The following PALM variants were observed in gnomAD, a reference collection of about 807,000 sequenced individuals.
PALM encodes paralemmin, also known as paralemmin-1.
Under a neutral mutation model 30.7 loss-of-function variants are expected in PALM, and 18 were observed. The ratio of observed to expected loss-of-function variants is 0.59; its 90% CI spans 0.41 to 0.87. The LOEUF (loss-of-function observed/expected upper bound fraction) is 0.87, where lower values mean the gene tolerates loss of function less well. PALM is among the 40% of genes least tolerant of loss of function. The pLI, the probability that PALM is intolerant of heterozygous loss-of-function variation, is 0.00. For missense variants in PALM, 529 were observed against 555.4 expected, an observed-to-expected ratio of 0.95 and a Z score of 0.48; for synonymous variants, 286 against 242.8, an observed-to-expected ratio of 1.18 and a Z score of -1.66.
rs768648371 is a variant in PALM, at chr19:727,061, C to T, written c.111C>T (p.Asp37=). 2.4e-5 allele frequency: 37 copies of T among 1,545,066 alleles called. No homozygotes were observed. The highest frequency in any genetic ancestry group is 2.1e-4 in the African/African-American group (15 of 72,666). ...EIENKRRQLE[D]ERRQLQHLKS... Reference sequence around the variant, plus strand: ...AGAACAAGCGCCGGCAGCTGGAGGACGAGCGGAGGCAGCTGCAGCACCTGA... The same window carrying T: ...AGAACAAGCGCCGGCAGCTGGAGGATGAGCGGAGGCAGCTGCAGCACCTGA... Residue 37 remains aspartate, a synonymous_variant, in exon 3 of 9, where the codon GAC becomes GAT. Transcript: ENST00000338448.
At chr19:734,798 C>A (rs1418209512) in intron 6 of PALM, 1 of 158,144 alleles carries the variant, frequency 6.3e-6, no homozygotes, top group East Asian at 1.9e-4. Flanking sequence ...CACCACTGCA[C>A]CCCAGCCTGG....
intron 7 of PALM, 47 bp downstream of exon 7, chr19:736,125 G>A: frequency 2.8e-6 from 4 of 1,454,482 alleles, no homozygotes; most frequent in Non-Finnish European, 2.9e-6. Context: ...CCGCTGTCAG[G>A]GACCAAGTCT....
intron 1 of PALM, among the ~76,000 whole-genome samples, chr19:717,452 T>A (rs1217025433): frequency 6.6e-6 from 1 of 152,090 alleles, no homozygotes; most frequent in Non-Finnish European, 1.5e-5. Flanking sequence ...GTCCTCAAGG[T>A]GCATCCGCGC....
chr19:738,317 G>A (rs2033083273), intron 7 of PALM, among the ~76,000 whole-genome samples: 1 of 152,142 alleles, frequency 6.6e-6, no homozygotes, highest in Non-Finnish European at 1.5e-5. Flanking sequence ...ATGAGGTCAG[G>A]AGATCGAGAC....
At chr19:710,411 A>C (rs909155212) in intron 1 of PALM, among the ~76,000 whole-genome samples, 250 of 150,414 alleles carry the variant, frequency 1.7e-3, no homozygotes, top group African/African-American at 6.0e-3. Flanking sequence ...CCTGCTCCAC[A>C]CCCCCACCCC....
chr19:727,226 G>GCCCTGACCCTGACCCCA (rs2032704102), intron 3 of PALM, 138 bp downstream of exon 3: 12 of 495,050 alleles, frequency 2.4e-5, no homozygotes, highest in African/African-American at 9.3e-5. Flanking sequence ...CCCTGACCCC[G>GCCCTGACCCTGACCCCA]ACCCTGACCC....
intron 1 of PALM, among the ~76,000 whole-genome samples, chr19:721,422 C>A (rs1318399669): frequency 1.3e-5 from 2 of 148,320 alleles, no homozygotes; most frequent in East Asian, 4.1e-4. Context: ...CCTGGCACCA[C>A]CCCCAGCTAA....
intron 5 of PALM, among the ~76,000 whole-genome samples, chr19:733,191 G>T (rs1042227961): frequency 6.6e-6 from 1 of 152,210 alleles, no homozygotes; most frequent in Admixed American, 6.5e-5. Flanking sequence ...CTCCCAAAGT[G>T]CTGGGATTAG....
intron 1 of PALM, among the ~76,000 whole-genome samples, chr19:717,529 A>G (rs1329668719): frequency 1.3e-5 from 2 of 152,088 alleles, no homozygotes; most frequent in Admixed American, 6.6e-5. Context: ...GGACGGCCAC[A>G]TTGCGTTTAC....
In PALM at chr19:740,581, GA is replaced by G. The variant is rs139099272; in HGVS notation, c.634+99del. ...GGTCTGGCGTCTGCCCCGGAATCAG[GA>G]CCCCGATTCGATGTGAAGCAGATGA... is the stretch of plus-strand genomic sequence containing the variant. On this transcript the variant is annotated intron_variant, in intron 8 of 8. Coordinates refer to ENST00000338448, the MANE Select transcript of PALM (RefSeq NM_002579.3). 0.028 allele frequency: 32,837 copies of G among 1,156,786 alleles called. 3,229 individuals are homozygous for G. In the East Asian group the frequency reaches 0.38, roughly 13 times the overall value. The allele number at this position is 1,156,786 out of a possible 1,614,324, so 71.7% of individuals were successfully genotyped here.
Position 746,760 on chromosome 19 carries a change from C to T in PALM, c.1110C>T (p.Asp370=). Residue 370 remains aspartate (D), a synonymous_variant, in exon 9 of 9, where the codon GAC becomes GAT. Coordinates refer to ENST00000338448, the MANE Select transcript of PALM (RefSeq NM_002579.3). This position sits in a 1 kb window ranked among gnomAD's most constrained non-coding sequence, Gnocchi z 7.1. ...CGGGGCCCGAGGCCACCACCAGCGA[C>T]CCCCAGGACCTCGACATGAAGAAGC... is the stretch of plus-strand genomic sequence containing the variant. ...NQAGPEATTS[D]PQDLDMKKHR... The T allele has an allele frequency of 6.3e-7, 1 of 1,592,890 alleles. No individual in the cohort carries two copies. Among genetic ancestry groups the T allele is most frequent in the Non-Finnish European group, 8.5e-7 (1 of 1,173,800 alleles).
At position 717,756 on chromosome 19, in the gene PALM, A is replaced by G. The variant is rs1258172807; in HGVS notation, c.6-8382A>G. 6.4e-5 allele frequency among the ~76,000 whole-genome samples: 9 copies of G among 139,702 alleles called. No homozygotes were observed. The East Asian group carries it at 1.2e-3, about 18-fold the overall frequency. The allele number at this position is 139,702 out of a possible 152,430, so 91.6% of individuals were successfully genotyped here. On this transcript the variant is annotated intron_variant, in intron 1 of 8. Transcript: ENST00000338448. ...GGGAGTGTGAGAAGAGGGGGCCGGGATTGGGGGGACCTCTGGGTGGGGGCT... is the reference window on the plus strand; with the variant it reads ...GGGAGTGTGAGAAGAGGGGGCCGGGGTTGGGGGGACCTCTGGGTGGGGGCT...
At chr19:738,839 A>T (rs1457616327) in intron 7 of PALM, among the ~76,000 whole-genome samples, 1 of 152,204 alleles carries the variant, frequency 6.6e-6, no homozygotes, top group Non-Finnish European at 1.5e-5. Flanking sequence ...AGGGCTGCCC[A>T]CGATGGGGAC....
chr19:726,562 T>C (rs2032667711), intron 2 of PALM, among the ~76,000 whole-genome samples: 1 of 152,272 alleles, frequency 6.6e-6, no homozygotes, highest in East Asian at 1.9e-4. Flanking sequence ...CCCCTCTCTG[T>C]GACCCGACCC....
Position 735,474 on chromosome 19 carries a change from G to A in PALM, c.443-545G>A, listed in dbSNP as rs374550101. Among the ~76,000 whole-genome samples, 18 of 79,246 alleles carry A rather than the reference G, an allele frequency of 2.3e-4. No homozygotes were observed. The East Asian group carries it at 3.9e-3, about 17-fold the overall frequency. 52.0% of individuals were successfully genotyped at this position (79,246 alleles called of 152,430 possible). A position where few individuals can be genotyped will look rare whatever the true frequency, so the allele number is the denominator to read the frequency against. ...CCAGGTGCCTGTCTGGATGTCTGGG[G>A]GCCCAGGTGCCTGTGTCCGGGTGTC... On this transcript the variant is annotated intron_variant, in intron 6 of 8. Transcript: ENST00000338448.
At chr19:714,228 CAG>C (rs1249626968) in intron 1 of PALM, among the ~76,000 whole-genome samples, 1 of 147,824 alleles carries the variant, frequency 6.8e-6, no homozygotes, top group Non-Finnish European at 1.5e-5. Flanking sequence ...TTAGTAGAGA[CAG>C]AGTTTCACCA....
intron 1 of PALM, among the ~76,000 whole-genome samples, chr19:719,854 G>A (rs1009331847): frequency 6.6e-6 from 1 of 152,164 alleles, no homozygotes; most frequent in African/African-American, 2.4e-5. Flanking sequence ...TGACCCGGCC[G>A]CAGGAGGGAG....
intron 6 of PALM, chr19:734,666 T>G (rs997329897): frequency 7.1e-5 from 12 of 168,508 alleles, no homozygotes; most frequent in Middle Eastern, 2.9e-3. Flanking sequence ...GCCAACATAG[T>G]GAAACCCCGT....
At chr19:728,319 T>A (rs1413836315) in intron 4 of PALM, among the ~76,000 whole-genome samples, 1 of 152,044 alleles carries the variant, frequency 6.6e-6, no homozygotes, top group African/African-American at 2.4e-5. Flanking sequence ...CGACCAAGAT[T>A]CCAAACGTCT....
Sources: allele counts gnomAD v4.1 joint callset (sites outside exome capture counted in the v4.1 genomes callset), GRCh38; gene constraint gnomAD v4.1.1; non-coding constraint Gnocchi (gnomAD v3.1); transcripts MANE v1.5; gene names NCBI Gene and HGNC (gene_info 2026-07-23, HGNC 2026-07-21).